SLC9A9: variants seen among roughly 807,000 people sequenced by gnomAD.
The protein encoded by SLC9A9 is sodium/hydrogen exchanger 9.
A neutral mutation model predicts 77.8 loss-of-function variants in SLC9A9; 62 were observed. The ratio of observed to expected loss-of-function variants is 0.80; its 90% CI spans 0.65 to 0.98. The LOEUF (loss-of-function observed/expected upper bound fraction) is 0.98, where lower values mean the gene tolerates loss of function less well. Ranked by LOEUF, SLC9A9 falls within the 50% of genes least tolerant of loss-of-function variation. The probability of loss-of-function intolerance (pLI) is 0.00; values close to 1 mark genes in which losing one functional copy is unlikely to be tolerated. For synonymous variants in SLC9A9, 320 were observed against 283.5 expected, an observed-to-expected ratio of 1.13 and a Z score of -1.29; for missense variants, 775 against 774.9, an observed-to-expected ratio of 1.00 and a Z score of 0.00.
chr3:143,792,771 A>G (rs1234212908), intron 4 of SLC9A9, among the ~76,000 whole-genome samples: 1 of 152,100 alleles, frequency 6.6e-6, no homozygotes, highest in Non-Finnish European at 1.5e-5. Flanking sequence ...CTCTACATTT[A>G]CCTTTTCTGC....
chr3:143,342,354 T>A (rs565609948), intron 14 of SLC9A9: 189 of 152,330 alleles, frequency 1.2e-3, no homozygotes, highest in African/African-American at 4.4e-3. Context: ...CGAGCTAATT[T>A]TTGTATTTTT....
intron 9 of SLC9A9, among the ~76,000 whole-genome samples, chr3:143,512,830 G>A (rs901980313): frequency 6.6e-6 from 1 of 152,166 alleles, no homozygotes; most frequent in African/African-American, 2.4e-5. Flanking sequence ...AGCCAAGACT[G>A]TGCCACTGTA....
intron 4 of SLC9A9, among the ~76,000 whole-genome samples, chr3:143,710,479 T>C (rs1411018431): frequency 6.6e-6 from 1 of 152,200 alleles, no homozygotes; most frequent in African/African-American, 2.4e-5. Flanking sequence ...CCACAACCCA[T>C]GTGCTGCCAT....
At chr3:143,686,941 T>C (rs914257121) in intron 5 of SLC9A9, among the ~76,000 whole-genome samples, 1 of 152,144 alleles carries the variant, frequency 6.6e-6, no homozygotes, top group African/African-American at 2.4e-5. Context: ...AGCTGGCTCA[T>C]TCATTGAGCC....
chr3:143,606,920 A>G (rs2037938222), intron 6 of SLC9A9, among the ~76,000 whole-genome samples: 1 of 152,168 alleles, frequency 6.6e-6, no homozygotes, highest in African/African-American at 2.4e-5. Context: ...CTGAAGAAAC[A>G]TATCAAATTC....
chr3:143,582,084 T>C (rs1473303751), intron 6 of SLC9A9, among the ~76,000 whole-genome samples: 1 of 152,228 alleles, frequency 6.6e-6, no homozygotes, highest in Admixed American at 6.5e-5. Context: ...GCTCGTTATC[T>C]CTTGAAGCAA....
chr3:143,595,972 G>C (rs114795724), intron 6 of SLC9A9, among the ~76,000 whole-genome samples: 1 of 152,112 alleles, frequency 6.6e-6, no homozygotes, highest in African/African-American at 2.4e-5. Context: ...GGGCTTTGAG[G>C]GGGGAATGTT....
At chr3:143,746,915 C>T (rs1027873955) in intron 4 of SLC9A9, among the ~76,000 whole-genome samples, 7 of 152,148 alleles carry the variant, frequency 4.6e-5, no homozygotes, top group African/African-American at 1.7e-4. Flanking sequence ...AGATATTTCT[C>T]TCTTCATATT....
At chr3:143,555,637 T>C (rs2036966674) in intron 8 of SLC9A9, among the ~76,000 whole-genome samples, 1 of 152,218 alleles carries the variant, frequency 6.6e-6, no homozygotes, top group Admixed American at 6.5e-5. Flanking sequence ...TTTAAGGTGA[T>C]CTTAAGCCAT....
intron 12 of SLC9A9, among the ~76,000 whole-genome samples, chr3:143,413,814 G>A (rs1011695007): frequency 1.6e-4 from 24 of 151,998 alleles, no homozygotes; most frequent in South Asian, 4.2e-4. Flanking sequence ...GTGTACGTGC[G>A]TGCGCATGCA....
intron 8 of SLC9A9, among the ~76,000 whole-genome samples, chr3:143,564,963 T>C (rs2037144846): frequency 1.3e-5 from 2 of 152,172 alleles, no homozygotes. Flanking sequence ...ATCCCTGGCA[T>C]GGCGCCTCAA....
intron 12 of SLC9A9, among the ~76,000 whole-genome samples, chr3:143,432,068 G>A (rs1402795348): frequency 6.6e-6 from 1 of 151,476 alleles, no homozygotes; most frequent in Non-Finnish European, 1.5e-5. Context: ...TTTTTTTTCT[G>A]TACCACTTAT....
At chr3:143,486,323 T>C (rs1324738361) in intron 11 of SLC9A9, among the ~76,000 whole-genome samples, 1 of 151,876 alleles carries the variant, frequency 6.6e-6, no homozygotes, top group Non-Finnish European at 1.5e-5. Flanking sequence ...TCCTGCAGGG[T>C]GAAATGAAAT....
At chr3:143,568,512 C>A (rs546272479) in intron 8 of SLC9A9, among the ~76,000 whole-genome samples, 1 of 152,176 alleles carries the variant, frequency 6.6e-6, no homozygotes, top group East Asian at 1.9e-4. Flanking sequence ...AATAAGGTTA[C>A]AGATTAATGC....
intron 4 of SLC9A9, among the ~76,000 whole-genome samples, chr3:143,752,388 C>T (rs866580772): frequency 6.6e-6 from 1 of 152,146 alleles, no homozygotes; most frequent in Admixed American, 6.5e-5. Flanking sequence ...TTTTAGGCAC[C>T]GTTGCCTGAT....
intron 12 of SLC9A9, among the ~76,000 whole-genome samples, chr3:143,393,858 G>A (rs2033632156): frequency 6.6e-6 from 1 of 152,028 alleles, no homozygotes; most frequent in African/African-American, 2.4e-5. Flanking sequence ...TAGAAGAAAT[G>A]GATAAATTCC....
chr3:143,316,613 C>T (rs2031221342), intron 14 of SLC9A9, among the ~76,000 whole-genome samples: 1 of 152,084 alleles, frequency 6.6e-6, no homozygotes, highest in Admixed American at 6.5e-5. Context: ...AAGAAGATAC[C>T]TTCTTGGCCC....
At chr3:143,539,098 T>C (rs2036642759) in intron 9 of SLC9A9, among the ~76,000 whole-genome samples, 1 of 152,220 alleles carries the variant, frequency 6.6e-6, no homozygotes, top group African/African-American at 2.4e-5. Context: ...GTTTGTTACC[T>C]AGGTATTCAC....
chr3:143,322,164 G>A (rs1333855740), intron 14 of SLC9A9, among the ~76,000 whole-genome samples: 2 of 152,124 alleles, frequency 1.3e-5, no homozygotes, highest in East Asian at 1.9e-4. Flanking sequence ...AGGGACATGA[G>A]GTACCCAGAT....
Sources: allele counts gnomAD v4.1 joint callset (sites outside exome capture counted in the v4.1 genomes callset), GRCh38; gene constraint gnomAD v4.1.1; transcripts MANE v1.5; gene names NCBI Gene and HGNC (gene_info 2026-07-23, HGNC 2026-07-21).